The following CADM2 variants were observed in gnomAD, a reference collection of about 807,000 sequenced individuals.
CADM2 encodes immunoglobulin superfamily member 4D.
Under a neutral mutation model 49.8 loss-of-function variants are expected in CADM2, and 12 were observed. The observed-to-expected ratio is 0.24, with a 90% CI of 0.15 to 0.39. The LOEUF is 0.39. Among genes scored for constraint, CADM2 ranks in the 10% least tolerant of loss-of-function variants. The pLI is 1.00. For missense variants in CADM2, 378 were observed against 492.3 expected (o/e 0.77, Z 2.20); for synonymous variants, 214 against 175.4 (o/e 1.22, Z -1.74).
chr3:85,303,839 T>A lies in CADM2; in HGVS notation c.61+344171T>A, dbSNP rs76693150. ...CCAATGTGAATGGCACATAAAGTGA[T>A]TCACAGCATTAAAAGATTGGATGAT... On this transcript the variant is annotated intron_variant, in intron 1 of 9. Coordinates refer to ENST00000383699, the MANE Select transcript of CADM2 (RefSeq NM_001167675.2). 4.5e-3 allele frequency among the ~76,000 whole-genome samples: 687 copies of A among 151,978 alleles called. 6 individuals carry two copies. The highest frequency in any genetic ancestry group is 0.016 in the African/African-American group (664 of 41,518).
At chr3:84,977,584 T>A (rs2031900489) in intron 1 of CADM2, among the ~76,000 whole-genome samples, 1 of 152,046 alleles carries the variant, frequency 6.6e-6, no homozygotes, top group Admixed American at 6.6e-5. Flanking sequence ...GGTGATGGGA[T>A]GCAATAATTA....
At chr3:85,010,206 A>T (rs557860766) in intron 1 of CADM2, among the ~76,000 whole-genome samples, 1 of 152,184 alleles carries the variant, frequency 6.6e-6, no homozygotes, top group Non-Finnish European at 1.5e-5. Context: ...GCAACCCAAG[A>T]TCCAAATTGC....
At chr3:85,097,509 G>A (rs1329220115) in intron 1 of CADM2, among the ~76,000 whole-genome samples, 2 of 152,154 alleles carry the variant, frequency 1.3e-5, no homozygotes, top group African/African-American at 2.4e-5. Flanking sequence ...CTTTGGGTAT[G>A]TACCCAGCAA....
chr3:85,776,139 A>T (rs2070347883), intron 2 of CADM2, among the ~76,000 whole-genome samples: 1 of 151,948 alleles, frequency 6.6e-6, no homozygotes, highest in Admixed American at 6.6e-5. Flanking sequence ...TTATACTAGT[A>T]AAATGAAGTT....
chr3:85,977,859 A>T (rs1022954411), intron 8 of CADM2, among the ~76,000 whole-genome samples: 6 of 151,572 alleles, frequency 4.0e-5, no homozygotes, highest in Non-Finnish European at 7.4e-5. Flanking sequence ...AATATTCAAG[A>T]TAAGAGAGCG....
chr3:86,045,636 T>C (rs1736575790), intron 8 of CADM2, among the ~76,000 whole-genome samples: 1 of 152,168 alleles, frequency 6.6e-6, no homozygotes, highest in African/African-American at 2.4e-5. Context: ...AACATTTTCT[T>C]AGACTTTCTT....
intron 1 of CADM2, among the ~76,000 whole-genome samples, chr3:85,137,208 T>C (rs1213801176): frequency 6.6e-6 from 1 of 151,934 alleles, no homozygotes; most frequent in Non-Finnish European, 1.5e-5. Flanking sequence ...AAATGAACAA[T>C]TGATATTTCT....
At chr3:85,696,390 A>G (rs750728888) in intron 1 of CADM2, among the ~76,000 whole-genome samples, 78 of 151,890 alleles carry the variant, frequency 5.1e-4, no homozygotes, top group Admixed American at 1.2e-3. Context: ...TAGAATTTTT[A>G]TGCTTCCAGG....
intron 2 of CADM2, among the ~76,000 whole-genome samples, chr3:85,777,392 A>C (rs1318576327): frequency 6.6e-6 from 1 of 151,974 alleles, no homozygotes; most frequent in African/African-American, 2.4e-5. Context: ...AGTAGCTGGA[A>C]CTACAGGCAC....
At chr3:85,245,448 C>G (rs542744697) in intron 1 of CADM2, among the ~76,000 whole-genome samples, 1 of 151,390 alleles carries the variant, frequency 6.6e-6, no homozygotes, top group Admixed American at 6.6e-5. Context: ...GGAGGCGAAG[C>G]TTGCAGTGAG....
chr3:85,644,745 C>A (rs1488476736), intron 1 of CADM2, among the ~76,000 whole-genome samples: 1 of 152,156 alleles, frequency 6.6e-6, no homozygotes, highest in African/African-American at 2.4e-5. Context: ...AAGTAAGTAA[C>A]TCTGGCTCAT....
At chr3:85,814,651 G>C (rs2073096271) in intron 3 of CADM2, among the ~76,000 whole-genome samples, 1 of 151,486 alleles carries the variant, frequency 6.6e-6, no homozygotes, top group African/African-American at 2.4e-5. Flanking sequence ...AAAGAGAGAA[G>C]AATCAAATAG....
At chr3:85,002,813 T>G (rs973450598) in intron 1 of CADM2, among the ~76,000 whole-genome samples, 3 of 152,050 alleles carry the variant, frequency 2.0e-5, no homozygotes, top group Admixed American at 6.6e-5. Context: ...AGAGACAGGG[T>G]CTTGCTCTGT....
chr3:84,970,948 A>C (rs2031388541), intron 1 of CADM2, among the ~76,000 whole-genome samples: 1 of 152,046 alleles, frequency 6.6e-6, no homozygotes, highest in South Asian at 2.1e-4. Flanking sequence ...GAAACATTTT[A>C]ATATGTTACT....
intron 1 of CADM2, among the ~76,000 whole-genome samples, chr3:85,092,713 A>G (rs2037643724): frequency 6.6e-6 from 1 of 152,024 alleles, no homozygotes; most frequent in South Asian, 2.1e-4. Flanking sequence ...CAATAGTTTG[A>G]TCCCCTTAAT....
intron 3 of CADM2, among the ~76,000 whole-genome samples, chr3:85,861,437 A>G (rs1007284156): frequency 2.6e-5 from 4 of 152,104 alleles, no homozygotes; most frequent in African/African-American, 9.7e-5. Context: ...TTGACATAAA[A>G]TGGAGTGGGA....
At chr3:85,469,229 C>T (rs1227474412) in intron 1 of CADM2, among the ~76,000 whole-genome samples, 1 of 152,132 alleles carries the variant, frequency 6.6e-6, no homozygotes, top group Non-Finnish European at 1.5e-5. Context: ...TTAGCGACTA[C>T]TCTGTAAAAC....
intron 1 of CADM2, among the ~76,000 whole-genome samples, chr3:85,669,880 C>T (rs1180011174): frequency 6.6e-6 from 1 of 151,894 alleles, no homozygotes; most frequent in Non-Finnish European, 1.5e-5. Context: ...TTGTCGTTGT[C>T]GTTAAACCCT....
chr3:85,945,547 A>T (rs145729333), intron 7 of CADM2, among the ~76,000 whole-genome samples: 2 of 152,010 alleles, frequency 1.3e-5, no homozygotes, highest in African/African-American at 4.8e-5. Context: ...CTGGCAAACC[A>T]AATCCAGCAG....
Sources: gnomAD v4.1 joint callset for allele counts (sites outside exome capture counted in the v4.1 genomes callset) on GRCh38, gnomAD v4.1.1 for gene constraint, MANE v1.5 for transcripts, NCBI Gene and HGNC (gene_info 2026-07-23, HGNC 2026-07-21) for gene names.